CHCHD3: variants seen among roughly 807,000 people sequenced by gnomAD.
The protein encoded by CHCHD3 is coiled-coil-helix-coiled-coil-helix domain containing 3.
Under a neutral mutation model 38.2 loss-of-function variants are expected in CHCHD3, and 20 were observed. The ratio of observed to expected loss-of-function variants is 0.52; its 90% CI spans 0.37 to 0.76. CHCHD3 has a LOEUF of 0.76. Among genes scored for constraint, CHCHD3 ranks in the 30% least tolerant of loss-of-function variants. The pLI is 0.00. For synonymous variants in CHCHD3, 82 were observed against 100.0 expected (o/e 0.82, Z 1.07); for missense variants, 245 against 279.2 (o/e 0.88, Z 0.87).
intron 2 of CHCHD3, among the ~76,000 whole-genome samples, chr7:133,057,034 CT>C (rs1814360542): frequency 6.6e-6 from 1 of 152,178 alleles, no homozygotes; most frequent in Admixed American, 6.5e-5. Flanking sequence ...CTCTGTAGCC[CT>C]ATTTCTGAAA....
intron 5 of CHCHD3, among the ~76,000 whole-genome samples, chr7:132,878,022 G>A (rs1056832809): frequency 1.3e-4 from 20 of 151,962 alleles, no homozygotes; most frequent in African/African-American, 3.4e-4. Flanking sequence ...AATATCAAAC[G>A]GTTTCTTAAT....
In CHCHD3 at chr7:133,081,872, C is replaced by T. The variant is rs1486347663; in HGVS notation, c.66G>A (p.Val22=). 3.2e-6 allele frequency: 5 copies of T among 1,555,392 alleles called. No individual in the cohort carries two copies. The Admixed American group carries it at 7.7e-5, about 24-fold the overall frequency. The change falls in exon 1 of 8, where the codon GTG becomes GTA. Residue 22 remains valine (V), a synonymous_variant. Coordinates refer to ENST00000262570, the MANE Select transcript of CHCHD3 (RefSeq NM_017812.4). ...FEADENENIT[V]VKGIRLSENV... ...GGGCACTCACCCGGATGCCCTTCAC[C>T]ACGGTGATGTTCTCATTCTCGTCCG...
chr7:132,939,096 G>A (rs553402870), intron 4 of CHCHD3, among the ~76,000 whole-genome samples: 3 of 152,178 alleles, frequency 2.0e-5, no homozygotes, highest in Admixed American at 1.3e-4. Context: ...AACTGGTCTC[G>A]GTCAACGATG....
Position 132,885,671 on chromosome 7 carries a change from C to T in CHCHD3, c.444G>A (p.Leu148=). ...DAFYKEQLAR[L]EERSSEFYRV... ...TAAAAAATAGTCATACCCTCTCCTC[C>T]AGTCTAGCCAGCTGTTCTTTGTAGA... Residue 148 remains leucine (L), a synonymous_variant, in exon 5 of 8, where the codon CTG becomes CTA. Transcript: ENST00000262570. 6.2e-7 allele frequency: 1 copy of T among 1,603,924 alleles called. No individual in the cohort carries two copies. The highest frequency in any genetic ancestry group is 8.5e-7 in the Non-Finnish European group (1 of 1,176,246).
chr7:132,790,046 G>A (rs887909718), intron 7 of CHCHD3, among the ~76,000 whole-genome samples: 3 of 152,180 alleles, frequency 2.0e-5, no homozygotes, highest in African/African-American at 7.2e-5. Flanking sequence ...TGTGCACCAA[G>A]TACTGTTCTT....
intron 5 of CHCHD3, among the ~76,000 whole-genome samples, chr7:132,858,194 C>G (rs760441143): frequency 6.6e-6 from 1 of 152,078 alleles, no homozygotes. Context: ...TCCCGAGTAG[C>G]TAGGACTACA....
At chr7:133,025,937 T>C (rs1010455804) in intron 2 of CHCHD3, among the ~76,000 whole-genome samples, 2 of 152,218 alleles carry the variant, frequency 1.3e-5, no homozygotes, top group Non-Finnish European at 2.9e-5. Context: ...CAATAGGATA[T>C]GCAAAAGCCC....
At chr7:132,804,254 T>C (rs1311977738) in intron 6 of CHCHD3, among the ~76,000 whole-genome samples, 1 of 152,198 alleles carries the variant, frequency 6.6e-6, no homozygotes, top group Non-Finnish European at 1.5e-5. Context: ...GACCTTCTTA[T>C]ATCACTTTCC....
chr7:133,034,629 T>G (rs1439824758), intron 2 of CHCHD3: 2 of 1,611,162 alleles, frequency 1.2e-6, no homozygotes, highest in Middle Eastern at 3.3e-4. Context: ...CTTGCCGTGA[T>G]TGAAGGCTTT....
intron 4 of CHCHD3, among the ~76,000 whole-genome samples, chr7:132,924,333 C>T (rs192429094): frequency 6.6e-6 from 1 of 152,250 alleles, no homozygotes; most frequent in Non-Finnish European, 1.5e-5. Flanking sequence ...GACACACATA[C>T]ATAAATCACA....
At chr7:132,897,971 G>A (rs1809546079) in intron 4 of CHCHD3, among the ~76,000 whole-genome samples, 1 of 152,120 alleles carries the variant, frequency 6.6e-6, no homozygotes, top group Non-Finnish European at 1.5e-5. Context: ...CTTCTGGCGG[G>A]TTCGTGGTCT....
intron 7 of CHCHD3, among the ~76,000 whole-genome samples, chr7:132,790,145 C>A (rs1806421720): frequency 6.6e-6 from 1 of 152,154 alleles, no homozygotes; most frequent in African/African-American, 2.4e-5. Flanking sequence ...CTTTGTTCCT[C>A]CTGCTTTGGA....
intron 3 of CHCHD3, among the ~76,000 whole-genome samples, chr7:132,978,196 C>T (rs182658387): frequency 6.6e-6 from 1 of 152,062 alleles, no homozygotes; most frequent in Non-Finnish European, 1.5e-5. Flanking sequence ...ACCCACTATG[C>T]GGGTAGGAAT....
At chr7:133,065,782 T>G (rs1814651699) in intron 2 of CHCHD3, among the ~76,000 whole-genome samples, 1 of 152,246 alleles carries the variant, frequency 6.6e-6, no homozygotes, top group South Asian at 2.1e-4. Flanking sequence ...ATAAGCCTAT[T>G]TTTTTAATTC....
intron 4 of CHCHD3, among the ~76,000 whole-genome samples, chr7:132,908,647 C>G (rs1214659090): frequency 6.6e-6 from 1 of 152,100 alleles, no homozygotes; most frequent in Non-Finnish European, 1.5e-5. Flanking sequence ...CAAGCATAAG[C>G]CCTTGTAAGT....
intron 6 of CHCHD3, among the ~76,000 whole-genome samples, chr7:132,821,908 G>A (rs894694486): frequency 6.6e-6 from 1 of 151,698 alleles, no homozygotes; most frequent in African/African-American, 2.4e-5. Flanking sequence ...GACTACAGGC[G>A]CCCGCCACCG....
chr7:133,037,542 G>C (rs2117473969), intron 2 of CHCHD3, among the ~76,000 whole-genome samples: 1 of 152,296 alleles, frequency 6.6e-6, no homozygotes. Context: ...GCCCAGCACA[G>C]TGGCTCACAC....
chr7:132,952,024 C>T (rs1044785141), intron 4 of CHCHD3, among the ~76,000 whole-genome samples: 1 of 152,204 alleles, frequency 6.6e-6, no homozygotes, highest in African/African-American at 2.4e-5. Flanking sequence ...AAGAGCATGA[C>T]TGCTACATAC....
At chr7:132,895,965 A>G (rs886911170) in intron 4 of CHCHD3, among the ~76,000 whole-genome samples, 1 of 152,224 alleles carries the variant, frequency 6.6e-6, no homozygotes, top group Non-Finnish European at 1.5e-5. Context: ...CTGCAACTTC[A>G]TTGAGTTTTA....
Sources: gnomAD v4.1 joint callset for allele counts (sites outside exome capture counted in the v4.1 genomes callset) on GRCh38, gnomAD v4.1.1 for gene constraint, MANE v1.5 for transcripts, NCBI Gene and HGNC (gene_info 2026-07-23, HGNC 2026-07-21) for gene names.